Variants in CNIH3 observed in about 807,000 individuals in gnomAD.
CNIH3 encodes the protein protein cornichon homolog 3.
CNIH3 carries 14 observed loss-of-function variants against 24.1 expected under a neutral mutation model. The ratio of observed to expected loss-of-function variants is 0.58; its 90% confidence interval spans 0.38 to 0.91. CNIH3 has a LOEUF of 0.91. Ranked by LOEUF, CNIH3 falls within the 40% of genes least tolerant of loss-of-function variation. The pLI is 0.00. For synonymous variants in CNIH3, 68 were observed against 73.8 expected, an observed-to-expected ratio of 0.92 and a Z score of 0.40; for missense variants, 178 against 196.8, an observed-to-expected ratio of 0.90 and a Z score of 0.57.
chr1:224,599,664 A>G (rs1455261548), intron 3 of CNIH3, among the ~76,000 whole-genome samples: 3 of 152,020 alleles, frequency 2.0e-5, no homozygotes, highest in African/African-American at 4.8e-5. Flanking sequence ...CAAGTGGCAT[A>G]TTACATTTCT....
chr1:224,516,725 GCCATGGA>G (rs1227095793), intron 1 of CNIH3, among the ~76,000 whole-genome samples: 2 of 152,350 alleles, frequency 1.3e-5, no homozygotes, highest in African/African-American at 4.8e-5. Flanking sequence ...TTCGGCGCCT[GCCATGGA>G]CAGAACAGCG....
At chr1:224,702,570 A>G (rs1687557060) in intron 3 of CNIH3, among the ~76,000 whole-genome samples, 1 of 152,196 alleles carries the variant, frequency 6.6e-6, no homozygotes, top group Non-Finnish European at 1.5e-5. Context: ...GGCGCAGCCC[A>G]AGGTAGATGC....
At chr1:224,441,494 A>C (rs1674911751) in intron 1 of CNIH3, among the ~76,000 whole-genome samples, 1 of 152,236 alleles carries the variant, frequency 6.6e-6, no homozygotes, top group Admixed American at 6.5e-5. Flanking sequence ...GTCCCTGCAT[A>C]GACTCTAACA....
intron 1 of CNIH3, among the ~76,000 whole-genome samples, chr1:224,452,842 C>A (rs1675479413): frequency 6.7e-6 from 1 of 149,456 alleles, no homozygotes; most frequent in Non-Finnish European, 1.5e-5. Context: ...AGATTATGGC[C>A]AGGTGCGGTG....
chr1:224,643,223 A>G lies in CNIH3; in HGVS notation c.81+25968A>G, dbSNP rs549068256. On this transcript the variant is annotated intron_variant, in intron 1 of 5. Transcript: ENST00000272133. ...GGGCCCTGGGAATAGGGGGAGAAAT[A>G]AAACGAGGCCTGCTCTGAAGGAGGT... Among the ~76,000 whole-genome samples the G allele has an allele frequency of 2.6e-5, 4 of 152,350 alleles. No individual in the cohort carries two copies. The East Asian group carries it at 7.7e-4, about 29-fold the overall frequency.
At chr1:224,588,447 C>T (rs938937920) in exon 6 of CNIH3, 2 of 152,208 alleles carry the variant, frequency 1.3e-5, no homozygotes, top group East Asian at 3.9e-4. Context: ...GGCAGGGGCT[C>T]CAATGATGAT....
intron 2 of CNIH3, among the ~76,000 whole-genome samples, chr1:224,525,609 G>A (rs188842304): frequency 6.6e-6 from 1 of 152,318 alleles, no homozygotes; most frequent in East Asian, 1.9e-4. Flanking sequence ...CAGGAAATGG[G>A]GGGTGGAGGC....
At chr1:224,681,087 A>G in intron 2 of CNIH3, 61 bp downstream of exon 2, 1 of 1,340,078 alleles carries the variant, frequency 7.5e-7, no homozygotes, top group Non-Finnish European at 1.1e-6. Flanking sequence ...AGGGCCTGGG[A>G]AGGAGGGTGA....
In CNIH3 at chr1:224,604,767, A is replaced by G. The variant is rs1373005384; in HGVS notation, n.402+38503A>G. Among the ~76,000 whole-genome samples the G allele has an allele frequency of 6.6e-6, 1 of 152,316 alleles. No homozygotes were observed. The highest frequency in any genetic ancestry group is 1.9e-4 in the East Asian group (1 of 5,174). On this transcript the variant is annotated intron_variant and non_coding_transcript_variant, in intron 3 of 7. Coordinates refer to the CNIH3 transcript ENST00000478120. This position sits in a 1 kb window ranked among gnomAD's most constrained non-coding sequence, Gnocchi z 4.4. ...CCAGGCGTCACTTGGCCATGCTGACATGCCCCAGCTCGCCTGTGTTATAGC... is the reference window on the plus strand; with the variant it reads ...CCAGGCGTCACTTGGCCATGCTGACGTGCCCCAGCTCGCCTGTGTTATAGC...
intron 1 of CNIH3, among the ~76,000 whole-genome samples, chr1:224,496,819 C>T (rs1305963751): frequency 6.6e-6 from 1 of 152,174 alleles, no homozygotes; most frequent in African/African-American, 2.4e-5. Flanking sequence ...AATACCATAG[C>T]TGATACTCAT....
At chr1:224,483,224 C>T (rs1484358550) in intron 1 of CNIH3, among the ~76,000 whole-genome samples, 1 of 152,146 alleles carries the variant, frequency 6.6e-6, no homozygotes. Flanking sequence ...ATGGTGGGTG[C>T]CTGTAATCCT....
intron 3 of CNIH3, among the ~76,000 whole-genome samples, chr1:224,720,317 T>C (rs887263296): frequency 6.6e-6 from 1 of 151,404 alleles, no homozygotes; most frequent in African/African-American, 2.4e-5. Flanking sequence ...AGACTCAGGC[T>C]TACACCAGGT....
chr1:224,510,196 G>T (rs370826087), intron 1 of CNIH3, among the ~76,000 whole-genome samples: 1 of 152,150 alleles, frequency 6.6e-6, no homozygotes, highest in Admixed American at 6.5e-5. Context: ...CCCGTGAGAG[G>T]CTCTGTTACT....
intron 1 of CNIH3, among the ~76,000 whole-genome samples, chr1:224,465,002 C>T (rs1434278301): frequency 6.6e-6 from 1 of 152,292 alleles, no homozygotes; most frequent in South Asian, 2.1e-4. Flanking sequence ...CCATGTTGCC[C>T]AGGCTGGTCT....
intron 2 of CNIH3, among the ~76,000 whole-genome samples, chr1:224,526,125 G>T (rs1007476950): frequency 6.6e-6 from 1 of 152,128 alleles, no homozygotes; most frequent in Non-Finnish European, 1.5e-5. Context: ...ACATTTGCTG[G>T]TTTTTTCTAT....
At chr1:224,631,636 G>T (rs1683824021) in intron 1 of CNIH3, among the ~76,000 whole-genome samples, 1 of 152,136 alleles carries the variant, frequency 6.6e-6, no homozygotes, top group Non-Finnish European at 1.5e-5. Flanking sequence ...GGGCCCTAGG[G>T]CTGGGAAGTA....
At chr1:224,457,318 T>TCC in intron 1 of CNIH3, among the ~76,000 whole-genome samples, 1 of 150,534 alleles carries the variant, frequency 6.6e-6, no homozygotes, top group Non-Finnish European at 1.5e-5. Context: ...TGTGTGTGTG[T>TCC]CCGTGTCCTC....
intron 3 of CNIH3, among the ~76,000 whole-genome samples, chr1:224,713,063 G>A (rs921013870): frequency 7.9e-5 from 12 of 152,130 alleles, no homozygotes; most frequent in African/African-American, 2.9e-4. Flanking sequence ...TTTCAAAAAA[G>A]CCAAGCATGC....
Position 224,498,494 on chromosome 1 carries a change from ACCAATGGACAGAAGCTT to A in CNIH3, n.204-17244_204-17228del, listed in dbSNP as rs1164606202. Among the ~76,000 whole-genome samples, 4 of 152,316 alleles carry A rather than the reference ACCAATGGACAGAAGCTT, an allele frequency of 2.6e-5. No homozygotes were observed. The East Asian group carries it at 5.8e-4, about 22-fold the overall frequency. ...TTCTATTTCTAAAATAAGAAGGGAAACCAATGGACAGAAGCTTCCCTGTCTTCTTTGATGCAGATAAA... is the reference window on the plus strand; with the variant it reads ...TTCTATTTCTAAAATAAGAAGGGAAACCCTGTCTTCTTTGATGCAGATAAA... On this transcript the variant is annotated intron_variant and non_coding_transcript_variant, in intron 1 of 5. Coordinates refer to the CNIH3 transcript ENST00000471578.
Sources: allele counts gnomAD v4.1 joint callset (sites outside exome capture counted in the v4.1 genomes callset), GRCh38; gene constraint gnomAD v4.1.1; non-coding constraint Gnocchi (gnomAD v3.1); transcripts MANE v1.5; gene names NCBI Gene and HGNC (gene_info 2026-07-23, HGNC 2026-07-21).